Variants in TALDO1 observed in about 807,000 individuals in gnomAD.
TALDO1 encodes the protein transaldolase.
Under a neutral mutation model 38.1 loss-of-function variants are expected in TALDO1, and 29 were observed. The ratio of observed to expected loss-of-function variants is 0.76; its 90% CI spans 0.57 to 1.04. The LOEUF (loss-of-function observed/expected upper bound fraction) is 1.04, where lower values mean the gene tolerates loss of function less well. TALDO1 is among the 50% of genes least tolerant of loss of function. The pLI, the probability that TALDO1 is intolerant of heterozygous loss-of-function variation, is 0.00. For missense variants in TALDO1, 499 were observed against 438.1 expected (o/e 1.14, Z -1.24); for synonymous variants, 207 against 176.8 (o/e 1.17, Z -1.36).
intron 4 of TALDO1, 192 bp downstream of exon 4, chr11:760,445 C>G (rs755447610): frequency 6.6e-6 from 5 of 752,620 alleles, no homozygotes; most frequent in African/African-American, 3.5e-5. Context: ...AGCTCCCTCA[C>G]TTGCTGGTGA....
chr11:748,937 C>T (rs757153329), intron 1 of TALDO1, among the ~76,000 whole-genome samples: 4 of 152,166 alleles, frequency 2.6e-5, no homozygotes, highest in Non-Finnish European at 2.9e-5. Context: ...GTGGACAGAG[C>T]GCTCATCTGT....
intron 4 of TALDO1, among the ~76,000 whole-genome samples, chr11:761,734 A>C (rs1219249622): frequency 6.6e-6 from 1 of 152,144 alleles, no homozygotes; most frequent in African/African-American, 2.4e-5. Flanking sequence ...GCTGGAGTGC[A>C]GTGGCACGAA....
At chr11:760,337 C>T (rs751957833) in intron 4 of TALDO1, 84 bp downstream of exon 4, 203 of 1,588,174 alleles carry the variant, frequency 1.3e-4, no homozygotes, top group Non-Finnish European at 1.7e-4. Context: ...GCAAGTTTGA[C>T]TCTCTCAGCC....
In TALDO1 at chr11:756,017, T is replaced by C; in HGVS notation, c.221+15T>C. 6.2e-7 allele frequency: 1 copy of C among 1,610,926 alleles called. No homozygotes were observed. Among genetic ancestry groups the C allele is most frequent in the East Asian group, 2.2e-5 (1 of 44,840 alleles). The stretch of plus-strand genomic sequence containing the variant: ...AAGCTGGGCGGGTGAGTGCCTGGAC[T>C]CGGGAGGGTCCCAGCTAGGCCCTCG... On this transcript the variant is annotated intron_variant, in intron 2 of 7. Coordinates refer to ENST00000319006, the MANE Select transcript of TALDO1 (RefSeq NM_006755.2).
rs958641981 is a variant in TALDO1, at chr11:755,897, C to T, written c.116C>T (p.Pro39Leu). 6.2e-7 allele frequency: 1 copy of T among 1,614,162 alleles called. No individual in the cohort carries two copies. The highest frequency in any genetic ancestry group is 8.5e-7 in the Non-Finnish European group (1 of 1,180,048). ...GDFHAIDEYKPQDATTNPSLI... is the reference protein window; with the variant it reads ...GDFHAIDEYKLQDATTNPSLI... ...TCCCTAGCCATCGACGAGTACAAGC[C>T]CCAGGATGCTACCACCAACCCGTCC... The change falls in exon 2 of 8, where the codon CCC becomes CTC. Residue 39 changes from proline (P) to leucine (L), a missense_variant. Physicochemically the swap from Pro to Leu is moderately conservative, Grantham distance 98 (BLOSUM62 -3). Coordinates refer to ENST00000319006, the MANE Select transcript of TALDO1 (RefSeq NM_006755.2).
chr11:749,586 C>T (rs1862718271), intron 1 of TALDO1, among the ~76,000 whole-genome samples: 1 of 152,164 alleles, frequency 6.6e-6, no homozygotes, highest in Admixed American at 6.5e-5. Flanking sequence ...GGGAGGGAGG[C>T]ACAGGCCTCT....
At position 764,391 on chromosome 11, in the gene TALDO1, C is replaced by G; in HGVS notation, c.939C>G (p.Arg313=). Residue 313 remains arginine (R), a synonymous_variant, in exon 7 of 8, where the codon CGC becomes CGG. Coordinates refer to ENST00000319006, the MANE Select transcript of TALDO1 (RefSeq NM_006755.2). ...MAVEKLSDGI[R]KFAADAVKLE... ...TGGAGAAGCTCTCTGACGGGATCCG[C>G]AAGTTTGCCGCTGATGCAGTGAAGC... 1.2e-6 allele frequency: 2 copies of G among 1,614,264 alleles called. No homozygotes were observed. Among genetic ancestry groups the G allele is most frequent in the Non-Finnish European group, 1.7e-6 (2 of 1,180,042 alleles).
chr11:760,311 G>A (rs2133577998), intron 4 of TALDO1, 58 bp downstream of exon 4: 7 of 1,605,888 alleles, frequency 4.4e-6, no homozygotes, highest in Middle Eastern at 1.7e-4. Flanking sequence ...TTGGAGCAGG[G>A]TCTACATGGC....
chr11:755,859 T>G lies in TALDO1; in HGVS notation c.98-20T>G. On this transcript the variant is annotated intron_variant, in intron 1 of 7. Coordinates refer to ENST00000319006, the MANE Select transcript of TALDO1 (RefSeq NM_006755.2). ...AGCAAGTACTCCACTTACTTTGGCTTTTGAAAACTATTTCCCTAGCCATCG... is the reference window on the plus strand; with the variant it reads ...AGCAAGTACTCCACTTACTTTGGCTGTTGAAAACTATTTCCCTAGCCATCG... The G allele has an allele frequency of 6.2e-7, 1 of 1,614,124 alleles. No individual in the cohort carries two copies. The highest frequency in any genetic ancestry group is 8.5e-7 in the Non-Finnish European group (1 of 1,180,022).
At chr11:753,277 AC>A (rs1862778497) in intron 1 of TALDO1, among the ~76,000 whole-genome samples, 1 of 151,212 alleles carries the variant, frequency 6.6e-6, no homozygotes, top group Admixed American at 6.6e-5. Flanking sequence ...CACACCTGTA[AC>A]CCCAGCACTT....
At chr11:760,558 C>G (rs1446461494) in intron 4 of TALDO1, 1 of 404,538 alleles carries the variant, frequency 2.5e-6, no homozygotes, top group Non-Finnish European at 4.7e-6. Context: ...TTCCTCTGTC[C>G]TGATCAACAC....
At chr11:756,107 A>G in intron 2 of TALDO1, 105 bp downstream of exon 2, 1 of 1,461,910 alleles carries the variant, frequency 6.8e-7, no homozygotes, top group East Asian at 2.5e-5. Flanking sequence ...CCATGAACTC[A>G]AGGGGGGAAA....
At chr11:759,127 T>C in intron 3 of TALDO1, 70 bp downstream of exon 3, 1 of 1,337,620 alleles carries the variant, frequency 7.5e-7, no homozygotes, top group Admixed American at 1.7e-5. Context: ...GATGCCAACA[T>C]GAGGTCAAGG....
chr11:757,973 C>CA (rs35724844), intron 2 of TALDO1, among the ~76,000 whole-genome samples: 1 of 152,036 alleles, frequency 6.6e-6, no homozygotes, highest in South Asian at 2.1e-4. Flanking sequence ...TCTGTCTCTA[C>CA]AAAAAAATAT....
intron 1 of TALDO1, among the ~76,000 whole-genome samples, chr11:751,527 C>T (rs941990216): frequency 6.6e-6 from 1 of 152,104 alleles, no homozygotes; most frequent in Non-Finnish European, 1.5e-5. Context: ...TGGCTGGTGG[C>T]TTACGCCTGT....
chr11:763,880 C>A lies in TALDO1; in HGVS notation c.771C>A (p.Pro257=). The change falls in exon 6 of 8, where the codon CCC becomes CCA. Residue 257 remains proline (P), a synonymous_variant. Coordinates refer to ENST00000319006, the MANE Select transcript of TALDO1 (RefSeq NM_006755.2). ...LAGCDFLTIS[P]KLLGELLQDN... Reference sequence around the variant, plus strand: ...GCTGTGACTTCCTCACCATCTCACCCAAGCTCCTGGGAGAGCTGCTGCAGG... The same window carrying A: ...GCTGTGACTTCCTCACCATCTCACCAAAGCTCCTGGGAGAGCTGCTGCAGG... 8 of 1,613,674 alleles carry A rather than the reference C, an allele frequency of 5.0e-6. No homozygotes were observed. Among genetic ancestry groups the A allele is most frequent in the Non-Finnish European group, 6.8e-6 (8 of 1,180,024 alleles).
At chr11:755,391 G>T (rs113118912) in intron 1 of TALDO1, among the ~76,000 whole-genome samples, 100 of 152,176 alleles carry the variant, frequency 6.6e-4, no homozygotes, top group African/African-American at 2.2e-3. Context: ...TGATCCACCC[G>T]CTTCAGCCTC....
chr11:747,686 C>A, intron 1 of TALDO1, 108 bp downstream of exon 1: 1 of 991,744 alleles, frequency 1.0e-6, no homozygotes. Flanking sequence ...TGGCGGTGCC[C>A]CGGGCGGCTC....
At chr11:762,742 A>G (rs4083367) in intron 4 of TALDO1, among the ~76,000 whole-genome samples, 1 of 152,196 alleles carries the variant, frequency 6.6e-6, no homozygotes, top group Non-Finnish European at 1.5e-5. Context: ...TTGGGGATCA[A>G]CCCCAGGATG....
Sources: gnomAD v4.1 joint callset for allele counts (sites outside exome capture counted in the v4.1 genomes callset) on GRCh38, gnomAD v4.1.1 for gene constraint, MANE v1.5 for transcripts, NCBI Gene and HGNC (gene_info 2026-07-23, HGNC 2026-07-21) for gene names.